MPV17: variants seen among roughly 807,000 people sequenced by gnomAD.
MPV17 encodes MPV17, mitochondrial inner membrane protein.
A neutral mutation model predicts 28.6 loss-of-function variants in MPV17; 31 were observed. The ratio of observed to expected loss-of-function variants is 1.08; its 90% CI spans 0.81 to 1.46. The LOEUF (loss-of-function observed/expected upper bound fraction) is 1.46. Ranked by LOEUF, MPV17 falls within the 40% of genes most tolerant of loss-of-function variation. The pLI is 0.00. For synonymous variants in MPV17, 87 were observed against 85.3 expected, an observed-to-expected ratio of 1.02 and a Z score of -0.11; for missense variants, 198 against 216.2, an observed-to-expected ratio of 0.92 and a Z score of 0.53.
chr2:27,319,101 A>C (rs926927237), intron 2 of MPV17, among the ~76,000 whole-genome samples: 1 of 152,114 alleles, frequency 6.6e-6, no homozygotes. Flanking sequence ...CTCAGTTCCA[A>C]GGGACTGAGC....
intron 2 of MPV17, 37 bp downstream of exon 2, chr2:27,322,411 T>A (rs774657850): frequency 8.9e-6 from 14 of 1,574,532 alleles, no homozygotes; most frequent in Non-Finnish European, 1.0e-5. Flanking sequence ...CAAATCAGTC[T>A]GCCCTGGTCC....
At chr2:27,322,345 A>G (rs1162520521) in intron 2 of MPV17, 103 bp downstream of exon 2, 13 of 1,007,800 alleles carry the variant, frequency 1.3e-5, no homozygotes, top group Non-Finnish European at 2.1e-5. Context: ...ACCCTTCAAG[A>G]GAGCCGAATA....
intron 2 of MPV17, among the ~76,000 whole-genome samples, chr2:27,314,962 G>C (rs1042580870): frequency 4.6e-5 from 7 of 152,214 alleles, no homozygotes; most frequent in African/African-American, 1.7e-4. Flanking sequence ...GGTTGGGGAT[G>C]GAAACCCGTG....
rs1679488438 is a variant in MPV17 at position 27,312,506 on chromosome 2, G to A, written c.363C>T (p.Ala121=). 1.9e-6 allele frequency: 3 copies of A among 1,613,936 alleles called. No homozygotes were observed. The African/African-American group carries it at 4.0e-5, about 22-fold the overall frequency. ...CTGCCCAGCTCACCCGCTGTAGTTTGGCCCAGTTGTCCTGGGCTGACAGTC... is the reference window on the plus strand; with the variant it reads ...CTGCCCAGCTCACCCGCTGTAGTTTAGCCCAGTTGTCCTGGGCTGACAGTC... ...LNGLSAQDNW[A]KLQRDYPDAL... Residue 121 remains alanine (A), a synonymous_variant, in exon 5 of 8, where the codon GCC becomes GCT. Coordinates refer to ENST00000380044, the MANE Select transcript of MPV17 (RefSeq NM_002437.5).
At chr2:27,313,151 T>G in intron 2 of MPV17, 42 bp from the exon 3 acceptor site, 1 of 1,613,762 alleles carries the variant, frequency 6.2e-7, no homozygotes, top group Middle Eastern at 1.7e-4. Flanking sequence ...TCTCCTGGGA[T>G]GGGCTGCCAT....
chr2:27,312,085 G>A (rs894956467), intron 6 of MPV17, 129 bp downstream of exon 6: 3 of 1,452,760 alleles, frequency 2.1e-6, no homozygotes, highest in African/African-American at 2.8e-5. Context: ...CCTATTTATG[G>A]TGCCCATCCT....
chr2:27,310,987 C>T (rs1679415210), intron 7 of MPV17: 1 of 151,310 alleles, frequency 6.6e-6, no homozygotes, highest in Non-Finnish European at 1.5e-5. Flanking sequence ...TTGTGATCCA[C>T]CTGCCTCAGC....
chr2:27,316,995 G>A lies in MPV17; in HGVS notation c.71-3886C>T, dbSNP rs1343914980. On this transcript the variant is annotated intron_variant, in intron 2 of 7. Coordinates refer to ENST00000380044, the MANE Select transcript of MPV17 (RefSeq NM_002437.5). ...TTGGGACCACTTCCTGCCCACTAGTGGAAAAGCCCCAACTTCCACACCCTC... is the reference window on the plus strand; with the variant it reads ...TTGGGACCACTTCCTGCCCACTAGTAGAAAAGCCCCAACTTCCACACCCTC... 2.2e-6 allele frequency: 3 copies of A among 1,340,542 alleles called. No homozygotes were observed. The East Asian group carries it at 7.6e-5, about 34-fold the overall frequency. The allele number at this position is 1,340,542 out of a possible 1,614,324, so 83.0% of individuals were successfully genotyped here. A position where few individuals can be genotyped will look rare whatever the true frequency, so the allele number is the denominator to read the frequency against.
intron 2 of MPV17, chr2:27,313,513 T>C (rs4665965): frequency 0.34 from 139,961 of 416,378 alleles, 30,502 homozygotes; most frequent in African/African-American, 0.77. Flanking sequence ...GTCCAGGGTC[T>C]CACATAACCA....
chr2:27,312,575 C>T lies in MPV17; in HGVS notation c.294G>A (p.Pro98=), dbSNP rs747567003. ...KMLLDQGGFA[P]CFLGCFLPLV... ...GTGGGAGAAAGCAGCCTAGAAAACA[C>T]GGGGCAAAGCCCCCCTAGGGAAGAG... The change falls in exon 5 of 8, where the codon CCG becomes CCA. Residue 98 remains proline, a synonymous_variant. Transcript: ENST00000380044. The T allele has an allele frequency of 2.2e-5, 35 of 1,613,980 alleles. No homozygotes were observed. Among genetic ancestry groups the T allele is most frequent in the Admixed American group, 1.5e-4 (9 of 60,000 alleles).
At chr2:27,321,210 T>C (rs918782345) in intron 2 of MPV17, among the ~76,000 whole-genome samples, 2 of 152,218 alleles carry the variant, frequency 1.3e-5, no homozygotes, top group Non-Finnish European at 2.9e-5. Flanking sequence ...AATCTGAGCC[T>C]GGGCAAAGGG....
At chr2:27,313,295 C>A in intron 2 of MPV17, 186 bp from the exon 3 acceptor site, 2 of 1,332,118 alleles carry the variant, frequency 1.5e-6, no homozygotes, top group Non-Finnish European at 2.1e-6. Flanking sequence ...GATGGTGACA[C>A]CTCATGTGTA....
intron 2 of MPV17, among the ~76,000 whole-genome samples, chr2:27,319,227 G>T (rs1679765840): frequency 6.6e-6 from 1 of 151,906 alleles, no homozygotes; most frequent in African/African-American, 2.4e-5. Flanking sequence ...ATAAGCTTCA[G>T]GCTCTGCTTT....
chr2:27,317,250 A>G lies in MPV17; in HGVS notation c.71-4141T>C. On this transcript the variant is annotated intron_variant, in intron 2 of 7. Transcript: ENST00000380044. This position sits in a 1 kb window ranked among gnomAD's most constrained non-coding sequence, Gnocchi z 4.0. Reference sequence around the variant, plus strand: ...CCCCAGAAGTCTGCAAACATTAGTTAGCTGCCTAGGATAGGGGCTCAGTCT... The same window carrying G: ...CCCCAGAAGTCTGCAAACATTAGTTGGCTGCCTAGGATAGGGGCTCAGTCT... 1 of 1,536,918 alleles carries G rather than the reference A, an allele frequency of 6.5e-7. No individual in the cohort carries two copies. The highest frequency in any genetic ancestry group is 2.0e-5 in the Admixed American group (1 of 48,930).
At chr2:27,318,235 A>AT (rs11428273) in intron 2 of MPV17, among the ~76,000 whole-genome samples, 151,938 of 151,940 alleles carry the variant, frequency 1, 75,968 homozygotes, top group Non-Finnish European at 1. Flanking sequence ...CACCCAGCTA[A>AT]TTTTGTATTT....
chr2:27,317,238 C>A lies in MPV17; in HGVS notation c.71-4129G>T. 6.5e-7 allele frequency: 1 copy of A among 1,541,438 alleles called. No homozygotes were observed. The highest frequency in any genetic ancestry group is 8.8e-7 in the Non-Finnish European group (1 of 1,142,600). ...TGCTGCCTTCCTCCCCAGAAGTCTG[C>A]AAACATTAGTTAGCTGCCTAGGATA... On this transcript the variant is annotated intron_variant, in intron 2 of 7. Coordinates refer to ENST00000380044, the MANE Select transcript of MPV17 (RefSeq NM_002437.5). This position sits in a 1 kb window ranked among gnomAD's most constrained non-coding sequence, Gnocchi z 4.0.
intron 2 of MPV17, chr2:27,313,438 C>T (rs1470450089): frequency 1.7e-6 from 1 of 580,192 alleles, no homozygotes; most frequent in South Asian, 2.1e-5. Context: ...CACAGACTGT[C>T]AGAATCAAAA....
At position 27,309,915 on chromosome 2, in the gene MPV17, G is replaced by C. The variant is rs757784720; in HGVS notation, c.528C>G (p.Leu176=). 19 of 1,613,678 alleles carry C rather than the reference G, an allele frequency of 1.2e-5. No individual in the cohort carries two copies. In the East Asian group the frequency reaches 3.6e-4, roughly 30 times the overall value. ...NSYLSWKAHR[L] Reference sequence around the variant, plus strand: ...GAAACGATGGAGTGAGGCAGGCTTAGAGCCGATGTGCCTTCCAGGACAGGT... The same window carrying C: ...GAAACGATGGAGTGAGGCAGGCTTACAGCCGATGTGCCTTCCAGGACAGGT... The change falls in exon 8 of 8, where the codon CTC becomes CTG. Residue 176 remains leucine, a synonymous_variant. Transcript: ENST00000380044.
chr2:27,311,350 C>T (rs1219929393), intron 7 of MPV17: 11 of 521,598 alleles, frequency 2.1e-5, no homozygotes, highest in African/African-American at 7.6e-5. Flanking sequence ...TGTGAGCCAC[C>T]GTGCCCAGCC....
Sources: gnomAD v4.1 joint callset for allele counts (sites outside exome capture counted in the v4.1 genomes callset) on GRCh38, gnomAD v4.1.1 for gene constraint, Gnocchi (gnomAD v3.1) non-coding constraint, MANE v1.5 for transcripts, NCBI Gene and HGNC (gene_info 2026-07-23, HGNC 2026-07-21) for gene names.